The following FOCAD variants were observed in gnomAD, a reference collection of about 807,000 sequenced individuals.
FOCAD encodes KIAA1797.
A neutral mutation model predicts 225.6 loss-of-function variants in FOCAD; 198 were observed. The observed-to-expected ratio is 0.88, with a 90% confidence interval of 0.78 to 0.99. The LOEUF is 0.99. Among genes scored for constraint, FOCAD ranks in the 50% least tolerant of loss-of-function variants. FOCAD has a pLI of 0.00. For synonymous variants in FOCAD, 897 were observed against 755.0 expected (o/e 1.19, Z -3.08); for missense variants, 2,713 against 2,123.6 (o/e 1.28, Z -5.46).
chr9:20,804,492 C>A (rs146277019), intron 11 of FOCAD, among the ~76,000 whole-genome samples: 1 of 152,164 alleles, frequency 6.6e-6, no homozygotes, highest in African/African-American at 2.4e-5. Context: ...AATGAAGAAT[C>A]ATGCATGCAT....
At chr9:20,801,015 G>C (rs2131283632) in intron 11 of FOCAD, among the ~76,000 whole-genome samples, 1 of 152,248 alleles carries the variant, frequency 6.6e-6, no homozygotes, top group East Asian at 1.9e-4. Context: ...GTGAAGTACA[G>C]ATGGGGTTTT....
chr9:20,849,155 G>C (rs1827406636), intron 15 of FOCAD, among the ~76,000 whole-genome samples: 1 of 151,890 alleles, frequency 6.6e-6, no homozygotes, highest in Admixed American at 6.6e-5. Context: ...TCTCTTGAGT[G>C]AAAAGAGCCA....
chr9:20,994,864 G>A (rs1244618995), intron 43 of FOCAD, among the ~76,000 whole-genome samples: 2 of 152,166 alleles, frequency 1.3e-5, no homozygotes, highest in Non-Finnish European at 2.9e-5. Context: ...TGATTATATA[G>A]TAGGCTTATT....
intron 4 of FOCAD, among the ~76,000 whole-genome samples, chr9:20,723,925 C>T (rs189706648): frequency 9.9e-5 from 15 of 151,894 alleles, no homozygotes; most frequent in Non-Finnish European, 2.2e-4. Context: ...CTTACAGTCA[C>T]GGTGGAAGGC....
intron 42 of FOCAD, 76 bp downstream of exon 42, chr9:20,990,450 T>A (rs1587802919): frequency 6.5e-7 from 1 of 1,540,378 alleles, no homozygotes; most frequent in Admixed American, 1.9e-5. Flanking sequence ...AGAATTGAGG[T>A]GGGAGTTAAG....
chr9:20,950,987 TA>T lies in FOCAD; in HGVS notation c.3949-8del. On this transcript the variant is annotated splice_region_variant and splice_polypyrimidine_tract_variant and intron_variant, in intron 33 of 43. Coordinates refer to ENST00000338382, the MANE Select transcript of FOCAD (RefSeq NM_001375567.1). The stretch of plus-strand genomic sequence containing the variant: ...TCCCATCATTGAACTGTTACCTTTT[TA>T]TTTGTAGGTCATTAGTGTCTCTGGG... 1 of 1,610,162 alleles carries T rather than the reference TA, an allele frequency of 6.2e-7. No homozygotes were observed. The highest frequency in any genetic ancestry group is 8.5e-7 in the Non-Finnish European group (1 of 1,176,610).
At chr9:20,984,665 A>T (rs1587786842) in intron 39 of FOCAD, among the ~76,000 whole-genome samples, 1 of 152,110 alleles carries the variant, frequency 6.6e-6, no homozygotes, top group Non-Finnish European at 1.5e-5. Context: ...TGTTTTGGTG[A>T]AGTATGTGAA....
At chr9:20,759,878 A>G (rs901642724) in intron 6 of FOCAD, among the ~76,000 whole-genome samples, 1 of 152,350 alleles carries the variant, frequency 6.6e-6, no homozygotes. Flanking sequence ...CTAATGAGTT[A>G]GTCTCTCCAT....
intron 35 of FOCAD, among the ~76,000 whole-genome samples, chr9:20,960,199 A>T (rs777892379): frequency 6.6e-6 from 1 of 152,206 alleles, no homozygotes; most frequent in Non-Finnish European, 1.5e-5. Flanking sequence ...GAAGCCAGTT[A>T]GTTTATACAA....
chr9:20,778,109 A>G (rs1448944417), intron 8 of FOCAD, among the ~76,000 whole-genome samples: 2 of 150,242 alleles, frequency 1.3e-5, no homozygotes, highest in Non-Finnish European at 3.0e-5. Flanking sequence ...AAAAAAAAAA[A>G]AAAAGATTGA....
At chr9:20,758,694 C>A (rs1206329810) in intron 6 of FOCAD, among the ~76,000 whole-genome samples, 1 of 152,080 alleles carries the variant, frequency 6.6e-6, no homozygotes, top group East Asian at 1.9e-4. Flanking sequence ...AGGACCTGAA[C>A]TCATCATTTT....
At chr9:20,977,861 A>G (rs2132598865) in intron 36 of FOCAD, among the ~76,000 whole-genome samples, 1 of 152,296 alleles carries the variant, frequency 6.6e-6, no homozygotes, top group South Asian at 2.1e-4. Flanking sequence ...TTTGTGTTTC[A>G]TTTAAGTCCT....
intron 9 of FOCAD, among the ~76,000 whole-genome samples, chr9:20,779,150 T>C (rs1819099962): frequency 6.6e-6 from 1 of 152,226 alleles, no homozygotes. Flanking sequence ...ACCTTAACTA[T>C]TCAAAATGTA....
chr9:20,923,189 A>G (rs997755924), intron 24 of FOCAD, among the ~76,000 whole-genome samples: 1 of 152,214 alleles, frequency 6.6e-6, no homozygotes. Flanking sequence ...GTTGTAAGGT[A>G]TGCAGGCTGA....
chr9:20,769,847 A>G (rs914979258), intron 7 of FOCAD, among the ~76,000 whole-genome samples, 185 bp from the exon 8 acceptor site: 2 of 152,268 alleles, frequency 1.3e-5, no homozygotes, highest in South Asian at 2.1e-4. Context: ...ATTTTGGTTA[A>G]TAACCAGAGG....
At chr9:20,878,565 C>G (rs997104855) in intron 19 of FOCAD, among the ~76,000 whole-genome samples, 3 of 152,190 alleles carry the variant, frequency 2.0e-5, no homozygotes, top group Admixed American at 1.3e-4. Flanking sequence ...ATCTCTTCCA[C>G]TCTGTTGTAA....
At chr9:20,807,815 G>A (rs547821983) in intron 11 of FOCAD, among the ~76,000 whole-genome samples, 3 of 152,260 alleles carry the variant, frequency 2.0e-5, no homozygotes, top group South Asian at 2.1e-4. Flanking sequence ...TTTGGGAGGT[G>A]AAGGTGGGCG....
chr9:20,691,941 T>G (rs561830675), intron 1 of FOCAD, among the ~76,000 whole-genome samples: 13 of 152,116 alleles, frequency 8.5e-5, no homozygotes. Context: ...ACCAGGCTAA[T>G]TTTTTTATTT....
At chr9:20,798,148 T>A (rs1197274556) in intron 11 of FOCAD, among the ~76,000 whole-genome samples, 5 of 152,208 alleles carry the variant, frequency 3.3e-5, no homozygotes, top group Non-Finnish European at 7.3e-5. Context: ...CTGGATTACA[T>A]TTATTGATTT....
Sources: gnomAD v4.1 joint callset for allele counts (sites outside exome capture counted in the v4.1 genomes callset) on GRCh38, gnomAD v4.1.1 for gene constraint, MANE v1.5 for transcripts, NCBI Gene and HGNC (gene_info 2026-07-23, HGNC 2026-07-21) for gene names.